Variants in PPP3CA observed in about 807,000 individuals in gnomAD.
PPP3CA encodes the protein protein phosphatase 3 catalytic subunit alpha.
Under a neutral mutation model 66.5 loss-of-function variants are expected in PPP3CA, and 14 were observed. The ratio of observed to expected loss-of-function variants is 0.21; its 90% CI spans 0.14 to 0.33. The LOEUF (loss-of-function observed/expected upper bound fraction) is 0.33. Ranked by LOEUF, PPP3CA falls within the 10% of genes least tolerant of loss-of-function variation. PPP3CA has a pLI of 1.00. For synonymous variants in PPP3CA, 232 were observed against 226.2 expected, an observed-to-expected ratio of 1.03 and a Z score of -0.23; for missense variants, 317 against 639.5, an observed-to-expected ratio of 0.50 and a Z score of 5.44.
intron 2 of PPP3CA, among the ~76,000 whole-genome samples, chr4:101,158,994 T>C (rs988624014): frequency 6.6e-6 from 1 of 152,188 alleles, no homozygotes; most frequent in Non-Finnish European, 1.5e-5. Context: ...ACCAAGATAA[T>C]AGTAGTTGAC....
intron 2 of PPP3CA, among the ~76,000 whole-genome samples, chr4:101,155,854 G>A (rs1203106320): frequency 6.6e-6 from 1 of 152,184 alleles, no homozygotes; most frequent in Admixed American, 6.5e-5. Flanking sequence ...TGGTGAACGA[G>A]TATCAAATTC....
At chr4:101,285,594 T>C (rs1352844365) in intron 1 of PPP3CA, among the ~76,000 whole-genome samples, 3 of 122,798 alleles carry the variant, frequency 2.4e-5, no homozygotes, top group Non-Finnish European at 4.7e-5. Flanking sequence ...AATGCCACTG[T>C]GTGTATGTGT....
At chr4:101,033,759 A>C (rs1471506671) in intron 11 of PPP3CA, among the ~76,000 whole-genome samples, 1 of 152,170 alleles carries the variant, frequency 6.6e-6, no homozygotes, top group Non-Finnish European at 1.5e-5. Context: ...CCCCAAAAGA[A>C]ACTTCATACC....
Position 101,106,463 on chromosome 4 carries a change from A to AGAAGAGAAGAGAAGAGAAGAGAAGAGAAG in PPP3CA, c.384+2490_384+2491insCTTCTCTTCTCTTCTCTTCTCTTCTCTTC, listed in dbSNP as rs1560605247. Among the ~76,000 whole-genome samples, 7 of 33,756 alleles carry AGAAGAGAAGAGAAGAGAAGAGAAGAGAAG rather than the reference A, an allele frequency of 2.1e-4. 1 individual carries two copies. The highest frequency in any genetic ancestry group is 7.0e-4 in the African/African-American group (4 of 5,714). 22.1% of individuals were successfully genotyped at this position (33,756 alleles called of 152,430 possible). ...AAAGAAAGAAAGAAAGAGAAAAGAA[A>AGAAGAGAAGAGAAGAGAAGAGAAGAGAAG]AGAAAAGAAAAGAAAAGAAAAGAAA... On this transcript the variant is annotated intron_variant, in intron 3 of 13. Transcript: ENST00000394854.
intron 1 of PPP3CA, among the ~76,000 whole-genome samples, chr4:101,316,589 G>C (rs1025518441): frequency 1.2e-4 from 18 of 152,144 alleles, no homozygotes; most frequent in African/African-American, 4.3e-4. Context: ...TAAGTTTAAA[G>C]GGATATTTAT....
intron 2 of PPP3CA, among the ~76,000 whole-genome samples, chr4:101,113,844 C>A (rs1335621904): frequency 6.6e-6 from 1 of 152,088 alleles, no homozygotes; most frequent in Non-Finnish European, 1.5e-5. Flanking sequence ...AAGAGCAGCA[C>A]AATATGCCAA....
chr4:101,178,826 T>C (rs1724145880), intron 2 of PPP3CA, among the ~76,000 whole-genome samples: 1 of 152,112 alleles, frequency 6.6e-6, no homozygotes, highest in Non-Finnish European at 1.5e-5. Context: ...CTCATATTAA[T>C]GGAAGTGTTA....
intron 2 of PPP3CA, among the ~76,000 whole-genome samples, chr4:101,182,404 C>A (rs1297377215): frequency 6.6e-6 from 1 of 152,094 alleles, no homozygotes; most frequent in Non-Finnish European, 1.5e-5. Flanking sequence ...TCAAGAAAAT[C>A]TTTCCAGAAG....
At chr4:101,242,344 T>C (rs1445667811) in intron 1 of PPP3CA, among the ~76,000 whole-genome samples, 1 of 152,154 alleles carries the variant, frequency 6.6e-6, no homozygotes, top group South Asian at 2.1e-4. Context: ...AACATACTTA[T>C]GTGAGATGAC....
chr4:101,066,555 TACA>T (rs1728688642), intron 8 of PPP3CA, among the ~76,000 whole-genome samples: 1 of 152,118 alleles, frequency 6.6e-6, no homozygotes, highest in African/African-American at 2.4e-5. Flanking sequence ...AAAATGAAAC[TACA>T]ACAATATGTA....
intron 1 of PPP3CA, among the ~76,000 whole-genome samples, chr4:101,241,787 A>T (rs1301677219): frequency 1.3e-5 from 2 of 152,164 alleles, no homozygotes; most frequent in Non-Finnish European, 2.9e-5. Flanking sequence ...GTCTCAACTC[A>T]AAGCTAGAAA....
intron 2 of PPP3CA, among the ~76,000 whole-genome samples, chr4:101,185,779 G>A (rs1724390582): frequency 1.3e-5 from 2 of 152,168 alleles, no homozygotes; most frequent in African/African-American, 4.8e-5. Flanking sequence ...GCCTGGCCTT[G>A]AGTAATATTT....
intron 10 of PPP3CA, among the ~76,000 whole-genome samples, chr4:101,044,228 C>T (rs1048205758): frequency 1.3e-5 from 2 of 152,076 alleles, no homozygotes; most frequent in South Asian, 2.1e-4. Context: ...TCCAGGTTTT[C>T]GGTATTTTCC....
rs144123473 is a variant in PPP3CA at position 101,065,015 on chromosome 4, A to G, written c.956-1658T>C. Among the ~76,000 whole-genome samples the G allele has an allele frequency of 9.4e-3, 1,436 of 152,116 alleles. 11 individuals are homozygous for G. Among genetic ancestry groups the G allele is most frequent in the Non-Finnish European group, 0.017 (1,131 of 67,940 alleles). On this transcript the variant is annotated intron_variant, in intron 8 of 13. Coordinates refer to ENST00000394854, the MANE Select transcript of PPP3CA (RefSeq NM_000944.5). Reference sequence around the variant, plus strand: ...ATCACAGACACTCTGGGGACAAGAAATGTAGATAGTGTAGGCAATACTGAT... The same window carrying G: ...ATCACAGACACTCTGGGGACAAGAAGTGTAGATAGTGTAGGCAATACTGAT...
rs188941314 is a variant in PPP3CA, at chr4:101,231,836, C to T, written c.59-35720G>A. Among the ~76,000 whole-genome samples the T allele has an allele frequency of 7.2e-5, 11 of 151,782 alleles. No individual in the cohort carries two copies. In the East Asian group the frequency reaches 1.4e-3, roughly 19 times the overall value. On this transcript the variant is annotated intron_variant, in intron 1 of 13. Coordinates refer to ENST00000394854, the MANE Select transcript of PPP3CA (RefSeq NM_000944.5). ...ATCAGTCAGAGCTACAATTAAATCT[C>T]CTTGTTAAAAATTCCTATTAAAACA...
At chr4:101,031,287 A>AAGAT (rs1171559847) in intron 12 of PPP3CA, among the ~76,000 whole-genome samples, 10 of 152,152 alleles carry the variant, frequency 6.6e-5, no homozygotes, top group African/African-American at 2.4e-4. Context: ...GATTCAAAGA[A>AAGAT]AGATACAGGA....
At position 101,085,015 on chromosome 4, in the gene PPP3CA, G is replaced by C. The variant is rs192499473; in HGVS notation, c.783-1752C>G. ...AAAAGTGAATATACGACCTTTCCAG[G>C]TAAGTGTGTGTCAGAGAAAAAAAAC... is the stretch of plus-strand genomic sequence containing the variant. On this transcript the variant is annotated intron_variant, in intron 6 of 13. Coordinates refer to ENST00000394854, the MANE Select transcript of PPP3CA (RefSeq NM_000944.5). Among the ~76,000 whole-genome samples the C allele has an allele frequency of 2.5e-3, 386 of 151,936 alleles. 3 individuals are homozygous for C. Among genetic ancestry groups the C allele is most frequent in the African/African-American group, 8.7e-3 (360 of 41,446 alleles).
At chr4:101,243,573 T>C (rs971637595) in intron 1 of PPP3CA, among the ~76,000 whole-genome samples, 2 of 152,144 alleles carry the variant, frequency 1.3e-5, no homozygotes, top group African/African-American at 4.8e-5. Context: ...AGAATTTACA[T>C]TGTATTAAGG....
At chr4:101,089,048 A>G (rs1368762247) in intron 6 of PPP3CA, among the ~76,000 whole-genome samples, 1 of 152,186 alleles carries the variant, frequency 6.6e-6, no homozygotes, top group Non-Finnish European at 1.5e-5. Context: ...GTTTAGGTTA[A>G]GGTGAAAATG....
Sources: gnomAD v4.1 joint callset for allele counts (sites outside exome capture counted in the v4.1 genomes callset) on GRCh38, gnomAD v4.1.1 for gene constraint, MANE v1.5 for transcripts, NCBI Gene and HGNC (gene_info 2026-07-23, HGNC 2026-07-21) for gene names.